The following GARIN1B variants were observed in gnomAD, a reference collection of about 807,000 sequenced individuals.
GARIN1B encodes golgi associated RAB2 interactor 1B.
chr7:128,721,049 G>T, the GARIN1B span, among the ~76,000 whole-genome samples: 1 of 151,734 alleles, frequency 6.6e-6, no homozygotes, highest in South Asian at 2.1e-4. Context: ...ACATCACTTT[G>T]GGGAGAAGTG....
chr7:128,714,017 AAAGAT>A, the GARIN1B span: 1 of 1,533,826 alleles, frequency 6.5e-7, no homozygotes, highest in Non-Finnish European at 8.7e-7. Context: ...CTGGTAAACA[AAAGAT>A]AATGAGAAAA....
At chr7:128,714,493 G>T in the GARIN1B span, among the ~76,000 whole-genome samples, 5 of 151,934 alleles carry the variant, frequency 3.3e-5, no homozygotes, top group Non-Finnish European at 5.9e-5. Flanking sequence ...CAGGAGAATC[G>T]CTTGAACTCG....
At chr7:128,722,417 C>G in the GARIN1B span, among the ~76,000 whole-genome samples, 5 of 152,168 alleles carry the variant, frequency 3.3e-5, no homozygotes, top group Non-Finnish European at 5.9e-5. Context: ...AACTGGAGCA[C>G]TTTTGAGTAT....
the GARIN1B span, among the ~76,000 whole-genome samples, chr7:128,712,611 C>T: frequency 2.0e-5 from 3 of 152,218 alleles, no homozygotes; most frequent in African/African-American, 7.2e-5. Flanking sequence ...CGAAATGATA[C>T]CTTGCACTGC....
the GARIN1B span, chr7:128,724,932 C>T: frequency 1.3e-5 from 16 of 1,191,364 alleles, no homozygotes; most frequent in Admixed American, 3.1e-5. Context: ...CACCCTTGAG[C>T]ATATCGAAAC....
the GARIN1B span, chr7:128,724,714 A>G: frequency 2.3e-5 from 29 of 1,288,162 alleles, no homozygotes; most frequent in Non-Finnish European, 2.7e-5. Flanking sequence ...TAAATTAGCA[A>G]ATGTCACCAG....
At chr7:128,718,239 C>A in the GARIN1B span, among the ~76,000 whole-genome samples, 1 of 152,008 alleles carries the variant, frequency 6.6e-6, no homozygotes, top group Non-Finnish European at 1.5e-5. Flanking sequence ...TCGAGACCAG[C>A]CTGACCAACA....
the GARIN1B span, chr7:128,731,491 A>G: frequency 3.1e-6 from 1 of 326,204 alleles, no homozygotes; most frequent in East Asian, 5.9e-5. Context: ...AGAAGTGGTA[A>G]TAGGAAACGG....
the GARIN1B span, chr7:128,723,381 G>C: frequency 6.4e-7 from 1 of 1,571,070 alleles, no homozygotes; most frequent in African/African-American, 1.4e-5. Context: ...GGTCTGGGCT[G>C]TGAGATCCAG....
the GARIN1B span, among the ~76,000 whole-genome samples, chr7:128,713,370 A>G: frequency 6.6e-6 from 1 of 152,204 alleles, no homozygotes; most frequent in Non-Finnish European, 1.5e-5. Context: ...ACAACTAAGT[A>G]TCTGTCACAT....
At chr7:128,713,575 A>T in the GARIN1B span, among the ~76,000 whole-genome samples, 203 of 152,304 alleles carry the variant, frequency 1.3e-3, 1 homozygote, top group African/African-American at 4.5e-3. Flanking sequence ...TAGGCTTCCC[A>T]AAGCACTAGA....
the GARIN1B span, chr7:128,716,684 C>T: frequency 1.4e-6 from 1 of 693,946 alleles, no homozygotes; most frequent in Non-Finnish European, 2.4e-6. Flanking sequence ...GTGTGCAGGG[C>T]AGTATCCTAC....
chr7:128,715,182 T>G, the GARIN1B span: 23 of 923,078 alleles, frequency 2.5e-5, no homozygotes, highest in Non-Finnish European at 3.0e-5. Flanking sequence ...CTCAGCAAGT[T>G]CCGGGAGGAC....
chr7:128,713,807 C>A, the GARIN1B span: 1 of 465,452 alleles, frequency 2.1e-6, no homozygotes, highest in Non-Finnish European at 3.8e-6. Context: ...GCCAAGTATA[C>A]TCAAATTGTA....
chr7:128,710,671 CT>C, the GARIN1B span, among the ~76,000 whole-genome samples: 2 of 148,010 alleles, frequency 1.4e-5, no homozygotes, highest in Non-Finnish European at 3.0e-5. Context: ...TTTCTTGTTT[CT>C]TTTTTTCTTT....
chr7:128,723,113 C>A, the GARIN1B span: 1 of 1,425,310 alleles, frequency 7.0e-7, no homozygotes. Context: ...AGTTCCAACA[C>A]TTTAGAGTCT....
At chr7:128,723,058 T>C in the GARIN1B span, 1 of 1,014,416 alleles carries the variant, frequency 9.9e-7, no homozygotes, top group Non-Finnish European at 1.4e-6. Flanking sequence ...GGCCTCAGAA[T>C]TGCCTCTGTG....
chr7:128,724,526 G>A, the GARIN1B span, among the ~76,000 whole-genome samples: 22 of 152,182 alleles, frequency 1.4e-4, no homozygotes, highest in Non-Finnish European at 2.5e-4. Context: ...AGGAAATGTC[G>A]CTGTATGTAC....
At chr7:128,730,512 CA>C in the GARIN1B span, among the ~76,000 whole-genome samples, 1 of 152,140 alleles carries the variant, frequency 6.6e-6, no homozygotes, top group Non-Finnish European at 1.5e-5. Flanking sequence ...GCTCAAGGCC[CA>C]TTCGTCCATC....
Sources: gnomAD v4.1 joint callset for allele counts (sites outside exome capture counted in the v4.1 genomes callset) on GRCh38, gnomAD v4.1.1 for gene constraint, MANE v1.5 for transcripts, NCBI Gene and HGNC (gene_info 2026-07-23, HGNC 2026-07-21) for gene names.